The following GPR158 variants were observed in gnomAD, a reference collection of about 807,000 sequenced individuals.
GPR158 encodes metabotropic glycine receptor.
A neutral mutation model predicts 78.2 loss-of-function variants in GPR158; 30 were observed. The ratio of observed to expected loss-of-function variants is 0.38; its 90% CI spans 0.29 to 0.52. The LOEUF (loss-of-function observed/expected upper bound fraction) is 0.52, where lower values mean the gene tolerates loss of function less well. Among genes scored for constraint, GPR158 ranks in the 20% least tolerant of loss-of-function variants. GPR158 has a pLI of 0.83. For synonymous variants in GPR158, 581 were observed against 591.1 expected, an observed-to-expected ratio of 0.98 and a Z score of 0.25; for missense variants, 1,463 against 1,523.5, an observed-to-expected ratio of 0.96 and a Z score of 0.66.
chr10:25,246,944 A>C (rs1016114531), intron 2 of GPR158, among the ~76,000 whole-genome samples: 1 of 152,236 alleles, frequency 6.6e-6, no homozygotes, highest in African/African-American at 2.4e-5. Flanking sequence ...ATTAATAGGT[A>C]TTAATCTAAA....
chr10:25,492,385 T>G (rs1224346343), intron 5 of GPR158, among the ~76,000 whole-genome samples: 1 of 151,858 alleles, frequency 6.6e-6, no homozygotes, highest in Non-Finnish European at 1.5e-5. Flanking sequence ...ATCTCTAGCT[T>G]CTTCAGTGGC....
chr10:25,454,104 A>G (rs1186202976), intron 4 of GPR158, among the ~76,000 whole-genome samples: 1 of 151,952 alleles, frequency 6.6e-6, no homozygotes, highest in Non-Finnish European at 1.5e-5. Context: ...TCTTTCATCA[A>G]TATCTTATAG....
At chr10:25,254,081 C>G (rs903560919) in intron 2 of GPR158, among the ~76,000 whole-genome samples, 1 of 152,160 alleles carries the variant, frequency 6.6e-6, no homozygotes, top group Non-Finnish European at 1.5e-5. Context: ...TTAAAGATAA[C>G]TTCTGTGGCT....
chr10:25,587,482 AAG>A (rs1016704686), intron 7 of GPR158, among the ~76,000 whole-genome samples: 1 of 152,244 alleles, frequency 6.6e-6, no homozygotes, highest in Non-Finnish European at 1.5e-5. Flanking sequence ...GACTCAAAGA[AAG>A]AAATGTAGAA....
intron 6 of GPR158, among the ~76,000 whole-genome samples, chr10:25,560,678 A>G (rs1173792877): frequency 6.6e-6 from 1 of 152,222 alleles, no homozygotes; most frequent in African/African-American, 2.4e-5. Context: ...GTAAATGATC[A>G]CACCAGTTAA....
chr10:25,314,862 C>CAT (rs67847605), intron 2 of GPR158, among the ~76,000 whole-genome samples: 46,262 of 111,110 alleles, frequency 0.42, 9,336 homozygotes, highest in Middle Eastern at 0.55. Context: ...CACACACTGT[C>CAT]ATATATATAT....
intron 5 of GPR158, among the ~76,000 whole-genome samples, chr10:25,491,729 A>C (rs1418833018): frequency 6.6e-6 from 1 of 152,174 alleles, no homozygotes; most frequent in Non-Finnish European, 1.5e-5. Flanking sequence ...TATTTCTTAT[A>C]ATTGTTAACA....
chr10:25,196,102 A>G (rs955292425), intron 1 of GPR158, among the ~76,000 whole-genome samples: 1 of 147,662 alleles, frequency 6.8e-6, no homozygotes, highest in Non-Finnish European at 1.5e-5. Context: ...TCACTCAGAA[A>G]CTTTCTTTTA....
chr10:25,243,001 G>C (rs1853645928), intron 2 of GPR158, among the ~76,000 whole-genome samples: 1 of 152,188 alleles, frequency 6.6e-6, no homozygotes, highest in Non-Finnish European at 1.5e-5. Context: ...GCAGGTCCCA[G>C]GCATAGTTCA....
chr10:25,303,663 C>T (rs1854630392), intron 2 of GPR158, among the ~76,000 whole-genome samples: 1 of 152,134 alleles, frequency 6.6e-6, no homozygotes, highest in South Asian at 2.1e-4. Context: ...GATGATAACC[C>T]CTTCTTTGTA....
intron 1 of GPR158, among the ~76,000 whole-genome samples, chr10:25,209,135 G>A (rs939114164): frequency 1.3e-5 from 2 of 152,148 alleles, no homozygotes; most frequent in Non-Finnish European, 2.9e-5. Context: ...TTACAGGTGT[G>A]AGCCACTGCG....
intron 3 of GPR158, among the ~76,000 whole-genome samples, chr10:25,396,742 T>C (rs1442064644): frequency 6.6e-6 from 1 of 152,214 alleles, no homozygotes; most frequent in Non-Finnish European, 1.5e-5. Flanking sequence ...AGCCATGTCT[T>C]CATAAAGTTA....
chr10:25,437,953 G>A (rs1225970691), intron 4 of GPR158, among the ~76,000 whole-genome samples: 3 of 152,190 alleles, frequency 2.0e-5, no homozygotes, highest in Non-Finnish European at 2.9e-5. Flanking sequence ...TGAAAATACA[G>A]AGAAACATGG....
chr10:25,424,598 A>G (rs1348822893), intron 4 of GPR158, among the ~76,000 whole-genome samples: 1 of 151,796 alleles, frequency 6.6e-6, no homozygotes, highest in Non-Finnish European at 1.5e-5. Flanking sequence ...AGCTTTCTAC[A>G]TATGGCTAGC....
chr10:25,563,094 T>C (rs10828825), intron 6 of GPR158, among the ~76,000 whole-genome samples: 11,643 of 152,274 alleles, frequency 0.076, 967 homozygotes, highest in East Asian at 0.48. Context: ...ATAGCTACTT[T>C]GGTTATTATT....
At chr10:25,260,424 A>G (rs376160528) in intron 2 of GPR158, among the ~76,000 whole-genome samples, 3 of 152,196 alleles carry the variant, frequency 2.0e-5, no homozygotes, top group Non-Finnish European at 1.5e-5. Flanking sequence ...CATGGTCACT[A>G]CCAATTCAGG....
intron 2 of GPR158, among the ~76,000 whole-genome samples, chr10:25,338,479 A>ATAAT (rs1359652644): frequency 1.5e-5 from 2 of 130,522 alleles, no homozygotes; most frequent in African/African-American, 6.6e-5. Flanking sequence ...TTATACGTAT[A>ATAAT]ATATACGTAT....
At chr10:25,227,094 G>T (rs931750356) in intron 2 of GPR158, among the ~76,000 whole-genome samples, 1 of 151,742 alleles carries the variant, frequency 6.6e-6, no homozygotes, top group Admixed American at 6.6e-5. Flanking sequence ...GTATTTTTTT[G>T]AGTTTTCCAC....
intron 7 of GPR158, among the ~76,000 whole-genome samples, chr10:25,576,946 C>T (rs1408646118): frequency 1.4e-5 from 2 of 141,820 alleles, no homozygotes; most frequent in Admixed American, 1.5e-4. Flanking sequence ...CCAAAGTGTG[C>T]TCATCCCATA....
Sources: allele counts gnomAD v4.1 joint callset (sites outside exome capture counted in the v4.1 genomes callset), GRCh38; gene constraint gnomAD v4.1.1; transcripts MANE v1.5; gene names NCBI Gene and HGNC (gene_info 2026-07-23, HGNC 2026-07-21).